CGNL1: variants seen among roughly 807,000 people sequenced by gnomAD.
CGNL1 encodes the protein cingulin like 1.
Under a neutral mutation model 141.2 loss-of-function variants are expected in CGNL1, and 132 were observed. That is an observed-to-expected ratio of 0.93 (90% CI 0.81 to 1.08). The LOEUF is 1.08. Among genes scored for constraint, CGNL1 ranks in the 50% least tolerant of loss-of-function variants. The probability of loss-of-function intolerance (pLI) is 0.00; values close to 1 mark genes in which losing one functional copy is unlikely to be tolerated. For synonymous variants in CGNL1, 690 were observed against 622.1 expected (o/e 1.11, Z -1.63); for missense variants, 1,870 against 1,588.6 (o/e 1.18, Z -3.01).
Position 57,488,204 on chromosome 15 carries a change from G to A in CGNL1, c.2403+26312G>A, listed in dbSNP as rs546821862. 1.4e-3 allele frequency among the ~76,000 whole-genome samples: 218 copies of A among 151,982 alleles called. 1 individual carries two copies. The highest frequency in any genetic ancestry group is 2.0e-3 in the Non-Finnish European group (138 of 68,006). On this transcript the variant is annotated intron_variant, in intron 8 of 18. Transcript: ENST00000281282. ...TATTGGCCGTTTGTATGTCTTCTTT[G>A]GAGAGCTATCTGTTCAGATTCTCTG...
chr15:57,538,113 G>A (rs1199385814), intron 14 of CGNL1, among the ~76,000 whole-genome samples: 2 of 152,242 alleles, frequency 1.3e-5, no homozygotes, highest in East Asian at 3.8e-4. Context: ...ACTGCACTGA[G>A]GACAGCTAAC....
At chr15:57,512,146 T>G (rs562670965) in intron 8 of CGNL1, among the ~76,000 whole-genome samples, 7 of 152,206 alleles carry the variant, frequency 4.6e-5, no homozygotes, top group Non-Finnish European at 7.3e-5. Context: ...AGATGATACA[T>G]AGATCCAAGC....
chr15:57,451,412 A>C, intron 4 of CGNL1, 88 bp from the exon 5 acceptor site: 1 of 928,760 alleles, frequency 1.1e-6, no homozygotes, highest in South Asian at 1.5e-5. Context: ...CTCATCTGTT[A>C]CTGCACTGAT....
At chr15:57,537,724 G>A (rs1379831440) in intron 14 of CGNL1, among the ~76,000 whole-genome samples, 1 of 152,132 alleles carries the variant, frequency 6.6e-6, no homozygotes, top group African/African-American at 2.4e-5. Flanking sequence ...CAGGTCATGG[G>A]TATCTCTGAC....
Position 57,451,402 on chromosome 15 carries a change from C to T in CGNL1, c.1804-98C>T, listed in dbSNP as rs959111718. The T allele has an allele frequency of 9.8e-6, 8 of 814,880 alleles. No homozygotes were observed. In the African/African-American group the frequency reaches 1.1e-4, roughly 11 times the overall value. 50.5% of individuals were successfully genotyped at this position (814,880 alleles called of 1,614,324 possible). On this transcript the variant is annotated intron_variant, in intron 4 of 18. Coordinates refer to ENST00000281282, the MANE Select transcript of CGNL1 (RefSeq NM_032866.5). ...GGTCTTAAAATGTTTAGTGTTATGC[C>T]TCATCTGTTACTGCACTGATTATAT...
intron 1 of CGNL1, among the ~76,000 whole-genome samples, chr15:57,400,493 TA>T (rs1163081788): frequency 6.6e-6 from 1 of 152,180 alleles, no homozygotes; most frequent in Non-Finnish European, 1.5e-5. Context: ...GCTTGTTGCC[TA>T]AAAAGAAAAT....
chr15:57,501,707 A>G (rs1200071401), intron 8 of CGNL1, among the ~76,000 whole-genome samples: 4 of 152,280 alleles, frequency 2.6e-5, no homozygotes, highest in African/African-American at 9.6e-5. Flanking sequence ...GGTGACCTCT[A>G]GGAGCCATCC....
chr15:57,483,830 G>C (rs1375792161), intron 8 of CGNL1, among the ~76,000 whole-genome samples: 1 of 152,132 alleles, frequency 6.6e-6, no homozygotes, highest in Non-Finnish European at 1.5e-5. Context: ...TTTAAATCAT[G>C]AATGGATTTT....
rs942237750 is a variant in CGNL1 at position 57,550,673 on chromosome 15, A to G, written c.*3183A>G. ...TACCTCCATGTGAGTGAATTCCTGG[A>G]TAAAGCAAGATTTCCTTTCAATAAA... On this transcript the variant is annotated 3_prime_UTR_variant, in exon 19 of 19. Coordinates refer to ENST00000281282, the MANE Select transcript of CGNL1 (RefSeq NM_032866.5). 1 of 152,642 alleles carries G rather than the reference A, an allele frequency of 6.6e-6. No homozygotes were observed. The highest frequency in any genetic ancestry group is 2.4e-5 in the African/African-American group (1 of 41,454). 9.5% of individuals were successfully genotyped at this position (152,642 alleles called of 1,614,324 possible).
chr15:57,474,850 T>G (rs2063631378), intron 8 of CGNL1, among the ~76,000 whole-genome samples: 1 of 152,218 alleles, frequency 6.6e-6, no homozygotes, highest in African/African-American at 2.4e-5. Context: ...ACCTTTCATA[T>G]CTTTTGAATT....
Position 57,461,758 on chromosome 15 carries a change from G to A in CGNL1, c.2269G>A (p.Glu757Lys). 2 of 1,614,184 alleles carry A rather than the reference G, an allele frequency of 1.2e-6. No individual in the cohort carries two copies. The highest frequency in any genetic ancestry group is 1.7e-5 in the Admixed American group (1 of 60,024). Residue 757 changes from glutamate to lysine, a missense_variant, in exon 8 of 19, where the codon GAG becomes AAG. Coordinates refer to ENST00000281282, the MANE Select transcript of CGNL1 (RefSeq NM_032866.5). ...GCAAGAAGACCTCTTGAGAAAGCGA[G>A]AGCGTGAACTCACCGCCCTGAAGGG... The part of the protein sequence containing the change: ...EEQEDLLRKR[E>K]RELTALKGAL...
intron 8 of CGNL1, among the ~76,000 whole-genome samples, chr15:57,506,377 G>A (rs1481280407): frequency 2.6e-5 from 4 of 152,216 alleles, no homozygotes; most frequent in Non-Finnish European, 5.9e-5. Context: ...CTCATGGTGA[G>A]GGAAGTGGTG....
intron 8 of CGNL1, among the ~76,000 whole-genome samples, chr15:57,509,646 C>T (rs2030059522): frequency 1.3e-5 from 2 of 152,310 alleles, no homozygotes; most frequent in South Asian, 4.1e-4. Context: ...TGGGTGTTAA[C>T]CCATGAACAT....
intron 14 of CGNL1, among the ~76,000 whole-genome samples, chr15:57,540,378 C>G (rs8025786): frequency 6.6e-6 from 1 of 152,174 alleles, no homozygotes; most frequent in South Asian, 2.1e-4. Flanking sequence ...GCAAAAGAGA[C>G]CATGTGCAGG....
intron 1 of CGNL1, among the ~76,000 whole-genome samples, chr15:57,387,432 T>G (rs2062495979): frequency 6.6e-6 from 1 of 152,178 alleles, no homozygotes; most frequent in South Asian, 2.1e-4. Context: ...TTTCCACTTT[T>G]CCCATCCAGT....
intron 4 of CGNL1, among the ~76,000 whole-genome samples, chr15:57,444,645 A>G (rs1268345947): frequency 6.6e-6 from 1 of 152,188 alleles, no homozygotes; most frequent in African/African-American, 2.4e-5. Context: ...CCAAGAGATC[A>G]TAGAATTATT....
Position 57,413,098 on chromosome 15 carries a change from A to G in CGNL1, c.-15-24887A>G, listed in dbSNP as rs1483555412. On this transcript the variant is annotated intron_variant, in intron 1 of 18. Coordinates refer to ENST00000281282, the MANE Select transcript of CGNL1 (RefSeq NM_032866.5). ...CTGGTCTTGAACTCCTGACCCCGTG[A>G]TCCACTCACCTTGGCCTCCCAAAGT... Among the ~76,000 whole-genome samples the G allele has an allele frequency of 2.6e-5, 4 of 152,008 alleles. No individual in the cohort carries two copies. In the East Asian group the frequency reaches 7.8e-4, roughly 29 times the overall value.
chr15:57,440,601 A>T, intron 3 of CGNL1, 130 bp downstream of exon 3: 3 of 691,902 alleles, frequency 4.3e-6, no homozygotes, highest in South Asian at 1.7e-5. Context: ...TTAAAACTCA[A>T]TGGCTGGGGT....
chr15:57,518,722 T>C (rs570235853), intron 10 of CGNL1, among the ~76,000 whole-genome samples: 8 of 152,320 alleles, frequency 5.3e-5, no homozygotes, highest in African/African-American at 1.9e-4. Context: ...ACTGGAGAGA[T>C]GCTACTGGCG....
Sources: allele counts gnomAD v4.1 joint callset (sites outside exome capture counted in the v4.1 genomes callset), GRCh38; gene constraint gnomAD v4.1.1; transcripts MANE v1.5; gene names NCBI Gene and HGNC (gene_info 2026-07-23, HGNC 2026-07-21).